Variants in SPOCK1 observed in about 807,000 individuals in gnomAD.
SPOCK1 encodes the protein SPARC (osteonectin), cwcv and kazal like domains proteoglycan 1.
SPOCK1 carries 23 observed loss-of-function variants against 55.3 expected under a neutral mutation model. The ratio of observed to expected loss-of-function variants is 0.42; its 90% CI spans 0.30 to 0.59. The LOEUF (loss-of-function observed/expected upper bound fraction) is 0.59, where lower values mean the gene tolerates loss of function less well. Among genes scored for constraint, SPOCK1 ranks in the 20% least tolerant of loss-of-function variants. The probability of loss-of-function intolerance (pLI) is 0.22; values close to 1 mark genes in which losing one functional copy is unlikely to be tolerated. For synonymous variants in SPOCK1, 226 were observed against 221.0 expected, an observed-to-expected ratio of 1.02 and a Z score of -0.20; for missense variants, 499 against 552.5, an observed-to-expected ratio of 0.90 and a Z score of 0.97.
intron 2 of SPOCK1, among the ~76,000 whole-genome samples, chr5:137,398,309 C>T (rs371831493): frequency 1.3e-5 from 2 of 152,206 alleles, no homozygotes; most frequent in Admixed American, 6.5e-5. Context: ...CAAGATAAAG[C>T]GGCATGAGGC....
chr5:137,101,765 C>T lies in SPOCK1; in HGVS notation c.474+10670G>A, dbSNP rs183967811. Among the ~76,000 whole-genome samples, 41 of 152,318 alleles carry T rather than the reference C, an allele frequency of 2.7e-4. No homozygotes were observed. In the East Asian group the frequency reaches 5.2e-3, roughly 19 times the overall value. Reference sequence around the variant, plus strand: ...TCAGGAGCCAAAAAGACTGTGTTATCTTGGCATGTTCTAAGAAGAAATAAA... The same window carrying T: ...TCAGGAGCCAAAAAGACTGTGTTATTTTGGCATGTTCTAAGAAGAAATAAA... On this transcript the variant is annotated intron_variant, in intron 5 of 10. Transcript: ENST00000394945.
At chr5:137,094,850 C>G (rs1310858470) in intron 5 of SPOCK1, among the ~76,000 whole-genome samples, 2 of 152,244 alleles carry the variant, frequency 1.3e-5, no homozygotes, top group African/African-American at 4.8e-5. Flanking sequence ...TGGCTTGGCA[C>G]AAGAGGCCTG....
chr5:137,226,127 T>C (rs931949046), intron 3 of SPOCK1, among the ~76,000 whole-genome samples: 5 of 152,184 alleles, frequency 3.3e-5, no homozygotes, highest in African/African-American at 4.8e-5. Flanking sequence ...TCAATTATCA[T>C]CTCTTCCTCC....
chr5:137,208,479 G>A (rs768699040), intron 3 of SPOCK1, among the ~76,000 whole-genome samples: 1 of 152,130 alleles, frequency 6.6e-6, no homozygotes, highest in Non-Finnish European at 1.5e-5. Context: ...TCAGTGGATT[G>A]GATAAAGAAA....
chr5:137,167,650 A>T (rs1754674889), intron 3 of SPOCK1, among the ~76,000 whole-genome samples: 1 of 152,130 alleles, frequency 6.6e-6, no homozygotes, highest in African/African-American at 2.4e-5. Context: ...TAAAACTTGA[A>T]ATTAATAACA....
intron 3 of SPOCK1, among the ~76,000 whole-genome samples, chr5:137,228,208 C>A (rs1755982402): frequency 6.6e-6 from 1 of 152,200 alleles, no homozygotes; most frequent in Non-Finnish European, 1.5e-5. Flanking sequence ...ACCAAGGAGG[C>A]TGTCATTGTA....
At chr5:137,416,916 T>C (rs1234632604) in intron 2 of SPOCK1, among the ~76,000 whole-genome samples, 1 of 152,192 alleles carries the variant, frequency 6.6e-6, no homozygotes, top group Non-Finnish European at 1.5e-5. Flanking sequence ...GAAGTTTTTG[T>C]TCAAATATTT....
chr5:137,368,865 C>T lies in SPOCK1; in HGVS notation c.187-101810G>A, dbSNP rs184178741. Among the ~76,000 whole-genome samples, 4 of 152,344 alleles carry T rather than the reference C, an allele frequency of 2.6e-5. No individual in the cohort carries two copies. In the East Asian group the frequency reaches 7.7e-4, roughly 29 times the overall value. ...ATCTTGCTGTATCTTATTAAAATGG[C>T]CTCATGCCTGCCTGGTATTAATCTG... is the stretch of plus-strand genomic sequence containing the variant. On this transcript the variant is annotated intron_variant, in intron 2 of 10. Transcript: ENST00000394945.
At chr5:137,337,911 T>A (rs573006606) in intron 2 of SPOCK1, among the ~76,000 whole-genome samples, 1 of 152,316 alleles carries the variant, frequency 6.6e-6, no homozygotes, top group South Asian at 2.1e-4. Flanking sequence ...CTGAATGAGT[T>A]CTCATCGTGG....
chr5:137,230,898 C>CATTCCATTTTCCT (rs1309400767), intron 3 of SPOCK1, among the ~76,000 whole-genome samples: 19 of 152,170 alleles, frequency 1.2e-4, no homozygotes, highest in East Asian at 1.9e-4. Flanking sequence ...TCTTACAAAA[C>CATTCCATTTTCCT]TAAGTATAAC....
chr5:137,267,476 A>T (rs1431018651), intron 2 of SPOCK1, among the ~76,000 whole-genome samples: 1 of 152,102 alleles, frequency 6.6e-6, no homozygotes, highest in Non-Finnish European at 1.5e-5. Context: ...ACAGACACGC[A>T]TCTTGTGGTG....
At chr5:137,229,742 G>A (rs538246990) in intron 3 of SPOCK1, among the ~76,000 whole-genome samples, 2 of 152,256 alleles carry the variant, frequency 1.3e-5, no homozygotes, top group South Asian at 4.1e-4. Context: ...GGAAGGGGGT[G>A]CACAGAGATG....
At chr5:137,487,262 T>C (rs532370338) in intron 2 of SPOCK1, among the ~76,000 whole-genome samples, 9 of 150,596 alleles carry the variant, frequency 6.0e-5, no homozygotes, top group African/African-American at 1.2e-4. Context: ...GTCTGGTTGA[T>C]GCTCATAAAT....
intron 2 of SPOCK1, among the ~76,000 whole-genome samples, chr5:137,489,354 TA>T (rs1459834131): frequency 4.6e-5 from 7 of 152,182 alleles, no homozygotes; most frequent in Non-Finnish European, 1.0e-4. Flanking sequence ...GTCTCATTTT[TA>T]AAATATAAAC....
chr5:137,388,923 C>T (rs1561522608), intron 2 of SPOCK1, among the ~76,000 whole-genome samples: 1 of 152,126 alleles, frequency 6.6e-6, no homozygotes, highest in Non-Finnish European at 1.5e-5. Flanking sequence ...TGCCACAGAC[C>T]ATTCACTTGT....
intron 2 of SPOCK1, among the ~76,000 whole-genome samples, chr5:137,478,640 A>G (rs1303027716): frequency 6.6e-6 from 1 of 152,288 alleles, no homozygotes; most frequent in Admixed American, 6.5e-5. Flanking sequence ...CTAGGCCACA[A>G]ATCTAAAGGA....
At chr5:137,318,882 T>C (rs1413364156) in intron 2 of SPOCK1, among the ~76,000 whole-genome samples, 1 of 152,234 alleles carries the variant, frequency 6.6e-6, no homozygotes, top group African/African-American at 2.4e-5. Context: ...GTGGATTTAC[T>C]GACCGATTCA....
At position 137,414,590 on chromosome 5, in the gene SPOCK1, C is replaced by T. The variant is rs551183136; in HGVS notation, c.186+83783G>A. Among the ~76,000 whole-genome samples, 12 of 151,978 alleles carry T rather than the reference C, an allele frequency of 7.9e-5. 1 individual carries two copies. Among genetic ancestry groups the T allele is most frequent in the Admixed American group, 3.3e-4 (5 of 15,254 alleles). ...ATGGAAGACATTCACTTGCTGGGGG[C>T]GAAACATTGAAAATACCCTTCTGGT... is the stretch of plus-strand genomic sequence containing the variant. On this transcript the variant is annotated intron_variant, in intron 2 of 10. Coordinates refer to ENST00000394945, the MANE Select transcript of SPOCK1 (RefSeq NM_004598.4).
At chr5:137,479,153 T>G (rs1477353497) in intron 2 of SPOCK1, among the ~76,000 whole-genome samples, 1 of 151,730 alleles carries the variant, frequency 6.6e-6, no homozygotes, top group Non-Finnish European at 1.5e-5. Context: ...AGAGAAGATT[T>G]GTTTCTCCAC....
Sources: allele counts gnomAD v4.1 joint callset (sites outside exome capture counted in the v4.1 genomes callset), GRCh38; gene constraint gnomAD v4.1.1; transcripts MANE v1.5; gene names NCBI Gene and HGNC (gene_info 2026-07-23, HGNC 2026-07-21).